Variants in WDR43 observed in about 807,000 individuals in gnomAD.
WDR43 encodes WD repeat-containing protein 43.
WDR43 carries 13 observed loss-of-function variants against 91.4 expected under a neutral mutation model. The observed-to-expected ratio is 0.14, with a 90% CI of 0.09 to 0.23. The LOEUF is 0.23. WDR43 is among the 10% of genes least tolerant of loss of function. The pLI is 1.00. For missense variants in WDR43, 780 were observed against 809.4 expected, an observed-to-expected ratio of 0.96 and a Z score of 0.44; for synonymous variants, 331 against 287.9, an observed-to-expected ratio of 1.15 and a Z score of -1.51.
At chr2:28,923,128 T>A in intron 7 of WDR43, 145 bp downstream of exon 7, 1 of 672,380 alleles carries the variant, frequency 1.5e-6, no homozygotes, top group Non-Finnish European at 2.4e-6. Flanking sequence ...CATGACTATA[T>A]ACATTGCCAG....
chr2:28,929,554 A>G (rs762877692), intron 10 of WDR43, 25 bp from the exon 11 acceptor site: 6 of 1,557,480 alleles, frequency 3.9e-6, no homozygotes, highest in Middle Eastern at 1.7e-4. Context: ...CTGGTAACAC[A>G]TTAACAATCC....
At chr2:28,913,353 C>A (rs1028464168) in intron 4 of WDR43, among the ~76,000 whole-genome samples, 1 of 151,074 alleles carries the variant, frequency 6.6e-6, no homozygotes, top group Non-Finnish European at 1.5e-5. Context: ...GATTTTGACA[C>A]AGGGTCTCTC....
chr2:28,901,756 T>C (rs1458529393), intron 1 of WDR43, among the ~76,000 whole-genome samples: 4 of 152,002 alleles, frequency 2.6e-5, no homozygotes, highest in Admixed American at 2.6e-4. Flanking sequence ...GGTTTTCCTA[T>C]TTGCTGCCTT....
At chr2:28,895,140 C>T in intron 1 of WDR43, 2 of 390,520 alleles carry the variant, frequency 5.1e-6, no homozygotes, top group Non-Finnish European at 8.7e-6. Context: ...CCCGGCCGGC[C>T]TCGTATCCGA....
chr2:28,902,178 A>G (rs1670589283), intron 2 of WDR43, 54 bp downstream of exon 2: 4 of 1,496,650 alleles, frequency 2.7e-6, no homozygotes, highest in East Asian at 2.3e-5. Flanking sequence ...GCTGATTATT[A>G]GAGATTATTA....
chr2:28,924,847 G>C (rs898495442), intron 7 of WDR43, 135 bp from the exon 8 acceptor site: 1 of 968,430 alleles, frequency 1.0e-6, no homozygotes, highest in Non-Finnish European at 1.5e-6. Flanking sequence ...CTCATGCTCC[G>C]GAGACCCAGG....
chr2:28,906,467 G>T lies in WDR43; in HGVS notation c.371G>T (p.Gly124Val). Residue 124 changes from glycine to valine, a missense_variant, in exon 3 of 18, where the codon GGA (glycine) becomes GTA (valine). By Grantham distance (109) the Gly-to-Val change is moderately radical. Around this residue, in one of 4 missense-constraint regions of WDR43, gnomAD observed 174 missense variants for 207.3 expected, o/e 0.84. Transcript: ENST00000407426. ...GELHSKLISG[G>V]HDNRVNCIQW... is the part of the protein sequence containing the mutation. ...TTTTTTTTTAATCTACAGAGTGGTG[G>T]ACATGACAACAGAGTCAACTGCATA... The T allele has an allele frequency of 6.4e-7, 1 of 1,561,052 alleles. No individual in the cohort carries two copies.
At chr2:28,911,534 T>C (rs1480825263) in intron 3 of WDR43, among the ~76,000 whole-genome samples, 1 of 152,094 alleles carries the variant, frequency 6.6e-6, no homozygotes, top group African/African-American at 2.4e-5. Flanking sequence ...GACCTTGTGA[T>C]CCGCCCACCT....
At chr2:28,925,810 AAGG>A (rs780716425) in intron 8 of WDR43, among the ~76,000 whole-genome samples, 13 of 152,280 alleles carry the variant, frequency 8.5e-5, no homozygotes, top group African/African-American at 9.6e-5. Context: ...AAAATAAAAA[AAGG>A]AGAAAAGTGT....
chr2:28,942,514 G>T, intron 16 of WDR43, 133 bp downstream of exon 16: 1 of 911,452 alleles, frequency 1.1e-6, no homozygotes, highest in Non-Finnish European at 1.6e-6. Flanking sequence ...AAATAGGCAA[G>T]TCCGTGGCAA....
chr2:28,912,780 C>CTATGGTT (rs1670827929), intron 4 of WDR43, 70 bp downstream of exon 4: 1 of 1,556,358 alleles, frequency 6.4e-7, no homozygotes, highest in Non-Finnish European at 8.7e-7. Flanking sequence ...GAAGTTTGAA[C>CTATGGTT]CATAAGATAT....
At chr2:28,913,205 C>T (rs527742163) in intron 4 of WDR43, among the ~76,000 whole-genome samples, 49 of 152,262 alleles carry the variant, frequency 3.2e-4, no homozygotes, top group Admixed American at 2.6e-3. Context: ...CTGCCTGCCT[C>T]GGCCTCCCAA....
At chr2:28,909,241 C>T (rs1222137372) in intron 3 of WDR43, among the ~76,000 whole-genome samples, 2 of 152,100 alleles carry the variant, frequency 1.3e-5, no homozygotes, top group Non-Finnish European at 2.9e-5. Context: ...CGGAATCAAG[C>T]GATTCTTCTG....
intron 11 of WDR43, among the ~76,000 whole-genome samples, chr2:28,934,831 T>TA (rs1182696605): frequency 6.6e-6 from 1 of 152,210 alleles, no homozygotes; most frequent in African/African-American, 2.4e-5. Context: ...AACAAATACA[T>TA]ACACCATTAG....
chr2:28,909,764 C>CACTGGGA (rs1670753979), intron 3 of WDR43, among the ~76,000 whole-genome samples: 1 of 152,114 alleles, frequency 6.6e-6, no homozygotes, highest in Non-Finnish European at 1.5e-5. Context: ...GTCCCAGCCA[C>CACTGGGA]CTGAGAGGCT....
At chr2:28,921,558 T>A (rs923083414) in intron 6 of WDR43, among the ~76,000 whole-genome samples, 18 of 152,216 alleles carry the variant, frequency 1.2e-4, no homozygotes, top group Non-Finnish European at 2.4e-4. Context: ...AAACTTTGAT[T>A]ATGATATTGC....
chr2:28,912,825 C>T, intron 4 of WDR43, 115 bp downstream of exon 4: 2 of 1,366,936 alleles, frequency 1.5e-6, no homozygotes, highest in African/African-American at 1.5e-5. Flanking sequence ...TTGTCAGGTA[C>T]ATCAAATAGT....
intron 2 of WDR43, 72 bp downstream of exon 2, chr2:28,902,196 A>G: frequency 6.8e-7 from 1 of 1,480,344 alleles, no homozygotes; most frequent in Non-Finnish European, 9.0e-7. Context: ...TTAAAAAAAA[A>G]ACACTTCAAG....
chr2:28,902,153 T>G (rs1041365832), intron 2 of WDR43, 29 bp downstream of exon 2: 2 of 1,525,910 alleles, frequency 1.3e-6, no homozygotes, highest in African/African-American at 1.4e-5. Flanking sequence ...TATTTAAAAG[T>G]GATGTGACAG....
Sources: gnomAD v4.1 joint callset for allele counts (sites outside exome capture counted in the v4.1 genomes callset) on GRCh38, gnomAD v4.1.1 for gene constraint, gnomAD v4.1.1 regional missense constraint, MANE v1.5 for transcripts, NCBI Gene and HGNC (gene_info 2026-07-23, HGNC 2026-07-21) for gene names.